Variants in CDH12 observed in about 807,000 individuals in gnomAD.
CDH12 encodes cadherin 12.
Under a neutral mutation model 74.1 loss-of-function variants are expected in CDH12, and 41 were observed. The ratio of observed to expected loss-of-function variants is 0.55; its 90% CI spans 0.43 to 0.72. The LOEUF is 0.72. CDH12 is among the 30% of genes least tolerant of loss of function. CDH12 has a pLI of 0.00. For missense variants in CDH12, 945 were observed against 977.2 expected (o/e 0.97, Z 0.44); for synonymous variants, 399 against 355.0 (o/e 1.12, Z -1.39).
intron 2 of CDH12, among the ~76,000 whole-genome samples, chr5:22,496,945 A>C (rs1366053586): frequency 6.6e-6 from 1 of 152,134 alleles, no homozygotes; most frequent in Non-Finnish European, 1.5e-5. Context: ...GAGTAAAATC[A>C]TTCTATTGTG....
At chr5:22,238,937 A>C (rs1006842097) in intron 3 of CDH12, among the ~76,000 whole-genome samples, 1 of 152,220 alleles carries the variant, frequency 6.6e-6, no homozygotes, top group Admixed American at 6.5e-5. Context: ...CAGTATAACT[A>C]CATATTAAAT....
chr5:21,798,827 C>A lies in CDH12; in HGVS notation c.1256+3340G>T, dbSNP rs192491609. Among the ~76,000 whole-genome samples the A allele has an allele frequency of 2.3e-4, 35 of 152,240 alleles. No homozygotes were observed. In the East Asian group the frequency reaches 6.6e-3, roughly 29 times the overall value. Reference sequence around the variant, plus strand: ...ATATATGTTTTTTGCTGAAGCCACTCCATCAACGGTAATTTGTTATAGCAG... The same window carrying A: ...ATATATGTTTTTTGCTGAAGCCACTACATCAACGGTAATTTGTTATAGCAG... On this transcript the variant is annotated intron_variant, in intron 10 of 14. Coordinates refer to ENST00000382254, the MANE Select transcript of CDH12 (RefSeq NM_004061.5).
At chr5:22,632,867 T>C (rs1252772415) in intron 1 of CDH12, among the ~76,000 whole-genome samples, 1 of 149,994 alleles carries the variant, frequency 6.7e-6, no homozygotes, top group Non-Finnish European at 1.5e-5. Context: ...CCCCTAGATA[T>C]AGACACATCA....
chr5:22,828,282 C>G (rs1164636264), intron 1 of CDH12, among the ~76,000 whole-genome samples: 2 of 151,884 alleles, frequency 1.3e-5, no homozygotes, highest in Non-Finnish European at 2.9e-5. Context: ...GGTTATATAT[C>G]AGCAAAAAAA....
chr5:22,489,523 G>A (rs944193394), intron 2 of CDH12, among the ~76,000 whole-genome samples: 14 of 151,822 alleles, frequency 9.2e-5, no homozygotes, highest in East Asian at 5.8e-4. Flanking sequence ...GATTTCAGTC[G>A]CAATTTTGGT....
intron 6 of CDH12, among the ~76,000 whole-genome samples, chr5:21,972,183 TTTC>T (rs1217198613): frequency 6.6e-6 from 1 of 152,162 alleles, no homozygotes; most frequent in Non-Finnish European, 1.5e-5. Flanking sequence ...TGTTCCGATA[TTTC>T]TTCATCTTAT....
At chr5:22,402,723 G>C (rs911311966) in intron 3 of CDH12, among the ~76,000 whole-genome samples, 5 of 152,188 alleles carry the variant, frequency 3.3e-5, no homozygotes, top group African/African-American at 9.6e-5. Flanking sequence ...ATTCTAAAGA[G>C]AGGGTCAAAG....
chr5:22,471,521 C>T lies in CDH12; in HGVS notation c.-428+33749G>A, dbSNP rs113120795. On this transcript the variant is annotated intron_variant, in intron 2 of 14. Transcript: ENST00000382254. ...AAAATATTTTCTTGATCCCCCATTT[C>T]CACTCCACATACAAGGCTACATTTG... Among the ~76,000 whole-genome samples, 1,335 of 152,286 alleles carry T rather than the reference C, an allele frequency of 8.8e-3. 22 individuals carry two copies. Among genetic ancestry groups the T allele is most frequent in the African/African-American group, 0.03 (1,245 of 41,554 alleles).
At chr5:22,097,905 T>G (rs1743888251) in intron 4 of CDH12, among the ~76,000 whole-genome samples, 1 of 152,274 alleles carries the variant, frequency 6.6e-6, no homozygotes, top group African/African-American at 2.4e-5. Flanking sequence ...TTAAAGCCTA[T>G]AAACTCCCCT....
intron 1 of CDH12, among the ~76,000 whole-genome samples, chr5:22,568,701 G>T (rs1180890738): frequency 2.6e-5 from 4 of 152,184 alleles, no homozygotes; most frequent in Non-Finnish European, 5.9e-5. Flanking sequence ...GACATTGTGG[G>T]TTTGGTTCCA....
At chr5:22,015,760 TACCAGAGA>T (rs1737565627) in intron 5 of CDH12, among the ~76,000 whole-genome samples, 1 of 152,186 alleles carries the variant, frequency 6.6e-6, no homozygotes. Flanking sequence ...CAGATAGTTA[TACCAGAGA>T]TTTCTGAAAC....
At chr5:22,619,375 T>C (rs1433719142) in intron 1 of CDH12, among the ~76,000 whole-genome samples, 1 of 152,230 alleles carries the variant, frequency 6.6e-6, no homozygotes, top group African/African-American at 2.4e-5. Context: ...AGGAGGTCAG[T>C]TCCTGCTGAT....
chr5:22,362,372 C>G (rs376765676), intron 3 of CDH12, among the ~76,000 whole-genome samples: 9 of 152,082 alleles, frequency 5.9e-5, no homozygotes, highest in African/African-American at 1.9e-4. Context: ...AAATCAAAAC[C>G]ACAATGAGAT....
chr5:22,385,957 A>G (rs2126401464), intron 3 of CDH12, among the ~76,000 whole-genome samples: 1 of 149,798 alleles, frequency 6.7e-6, no homozygotes, highest in South Asian at 2.1e-4. Context: ...CAATGGCACA[A>G]TCTCGGCTGA....
At chr5:22,444,108 G>T (rs546072085) in intron 2 of CDH12, among the ~76,000 whole-genome samples, 1 of 152,062 alleles carries the variant, frequency 6.6e-6, no homozygotes, top group African/African-American at 2.4e-5. Flanking sequence ...AAAATATCCA[G>T]TTAAAATTAC....
intron 8 of CDH12, among the ~76,000 whole-genome samples, chr5:21,822,123 A>G (rs918372390): frequency 6.6e-6 from 1 of 151,972 alleles, no homozygotes; most frequent in Non-Finnish European, 1.5e-5. Flanking sequence ...CTGTAAAATT[A>G]GTATAACAAT....
At chr5:22,836,757 A>T (rs1332191007) in intron 1 of CDH12, among the ~76,000 whole-genome samples, 1 of 152,164 alleles carries the variant, frequency 6.6e-6, no homozygotes, top group East Asian at 1.9e-4. Flanking sequence ...GCGAATTCTG[A>T]AAACTAAGGG....
intron 1 of CDH12, among the ~76,000 whole-genome samples, 160 bp downstream of exon 1, chr5:22,852,898 C>T (rs553227184): frequency 1.3e-5 from 2 of 152,322 alleles, no homozygotes; most frequent in East Asian, 1.9e-4. Flanking sequence ...AGCAAAACCA[C>T]GCACAAGCTC....
intron 1 of CDH12, among the ~76,000 whole-genome samples, chr5:22,805,962 T>C (rs1275053131): frequency 6.6e-6 from 1 of 152,216 alleles, no homozygotes; most frequent in African/African-American, 2.4e-5. Context: ...TCCAGCTTCA[T>C]CTGTGTCTCT....
Sources: allele counts gnomAD v4.1 joint callset (sites outside exome capture counted in the v4.1 genomes callset), GRCh38; gene constraint gnomAD v4.1.1; transcripts MANE v1.5; gene names NCBI Gene and HGNC (gene_info 2026-07-23, HGNC 2026-07-21).